Variants in SCYL2 observed in about 807,000 individuals in gnomAD.
SCYL2 encodes SCY1 like pseudokinase 2, also known as SCY1-like protein 2.
In SCYL2, 36 loss-of-function variants were observed where a neutral mutation model predicts 100.4. The observed-to-expected ratio is 0.36, with a 90% CI of 0.27 to 0.47. The LOEUF is 0.47. SCYL2 is among the 20% of genes least tolerant of loss of function. SCYL2 has a pLI of 1.00. For missense variants in SCYL2, 902 were observed against 1,083.9 expected (o/e 0.83, Z 2.36); for synonymous variants, 330 against 359.2 (o/e 0.92, Z 0.92).
At chr12:100,269,489 G>A (rs1310065188) in intron 1 of SCYL2, among the ~76,000 whole-genome samples, 1 of 150,392 alleles carries the variant, frequency 6.6e-6, no homozygotes, top group Non-Finnish European at 1.5e-5. Flanking sequence ...ATCTCCTGAT[G>A]TGTAAGTGCT....
intron 10 of SCYL2, 41 bp downstream of exon 10, chr12:100,317,966 T>C (rs771107730): frequency 6.6e-7 from 1 of 1,513,022 alleles, no homozygotes; most frequent in South Asian, 1.4e-5. Context: ...ATGATTTTGA[T>C]TCTTAAAGCA....
intron 1 of SCYL2, among the ~76,000 whole-genome samples, chr12:100,279,054 G>A (rs1436487300): frequency 6.6e-6 from 1 of 152,182 alleles, no homozygotes; most frequent in Non-Finnish European, 1.5e-5. Flanking sequence ...GTTTCTTTGT[G>A]TTTATCCTGT....
intron 7 of SCYL2, among the ~76,000 whole-genome samples, chr12:100,314,276 C>T (rs11110337): frequency 0.12 from 18,562 of 152,084 alleles, 1,522 homozygotes; most frequent in Non-Finnish European, 0.18. Flanking sequence ...AAGTTTTTAC[C>T]CAGCCAATTC....
chr12:100,297,918 A>G, intron 3 of SCYL2, 113 bp from the exon 4 acceptor site: 1 of 872,882 alleles, frequency 1.1e-6, no homozygotes. Context: ...AACAAATGTA[A>G]AATAGTTACC....
chr12:100,282,319 C>G (rs990681555), intron 1 of SCYL2, among the ~76,000 whole-genome samples: 3 of 85,608 alleles, frequency 3.5e-5, no homozygotes, highest in African/African-American at 1.4e-4. Flanking sequence ...CACTTTTAGT[C>G]TTTTTTTTTT....
chr12:100,308,140 A>G lies in SCYL2; in HGVS notation c.481-2904A>G, dbSNP rs141762309. Among the ~76,000 whole-genome samples, 1,276 of 152,316 alleles carry G rather than the reference A, an allele frequency of 8.4e-3. 5 individuals carry two copies. The highest frequency in any genetic ancestry group is 0.017 in the Middle Eastern group (5 of 294). ...TGACCCAGCAATCTCATTACTGGGTATATATCCAAAGGATTATAAATGATT... is the reference window on the plus strand; with the variant it reads ...TGACCCAGCAATCTCATTACTGGGTGTATATCCAAAGGATTATAAATGATT... On this transcript the variant is annotated intron_variant, in intron 4 of 17. Transcript: ENST00000360820.
intron 4 of SCYL2, among the ~76,000 whole-genome samples, chr12:100,304,266 G>A (rs753015340): frequency 3.9e-5 from 6 of 151,992 alleles, no homozygotes; most frequent in African/African-American, 9.7e-5. Context: ...GGGAGTGAAC[G>A]GTTCTGTCTC....
intron 13 of SCYL2, among the ~76,000 whole-genome samples, chr12:100,330,967 T>TA (rs1447855102): frequency 3.3e-5 from 5 of 151,914 alleles, no homozygotes; most frequent in African/African-American, 1.2e-4. Context: ...TACCTGGGAT[T>TA]ACAGGCATGA....
At chr12:100,314,386 A>G in intron 7 of SCYL2, 103 bp from the exon 8 acceptor site, 3 of 785,882 alleles carry the variant, frequency 3.8e-6, no homozygotes, top group South Asian at 3.7e-5. Flanking sequence ...GCATTTTGCT[A>G]AATGTTTCTG....
chr12:100,318,126 T>A (rs1392139516), intron 10 of SCYL2, among the ~76,000 whole-genome samples: 1 of 152,142 alleles, frequency 6.6e-6, no homozygotes, highest in African/African-American at 2.4e-5. Context: ...GTATTGTAAG[T>A]GAAAAAAGTA....
intron 7 of SCYL2, 21 bp downstream of exon 7, chr12:100,313,559 G>C (rs1027478611): frequency 1.5e-6 from 2 of 1,315,778 alleles, no homozygotes; most frequent in Non-Finnish European, 2.2e-6. Flanking sequence ...GTGGATTTCT[G>C]CCTAAGATGG....
At chr12:100,329,360 CT>C (rs1427284308) in intron 13 of SCYL2, 41 bp downstream of exon 13, 1 of 980,726 alleles carries the variant, frequency 1.0e-6, no homozygotes, top group Non-Finnish European at 1.6e-6. Flanking sequence ...ATTCAGCTTA[CT>C]TTTTTCTTGG....
At chr12:100,322,842 A>C (rs1437746161) in intron 10 of SCYL2, among the ~76,000 whole-genome samples, 1 of 148,514 alleles carries the variant, frequency 6.7e-6, no homozygotes, top group Non-Finnish European at 1.5e-5. Flanking sequence ...CCTGGGCAAC[A>C]AGAGCAAAAC....
chr12:100,293,518 TG>T lies in SCYL2; in HGVS notation c.335+1859del, dbSNP rs1276432760. Among the ~76,000 whole-genome samples, 7 of 151,400 alleles carry T rather than the reference TG, an allele frequency of 4.6e-5. No individual in the cohort carries two copies. The East Asian group carries it at 7.7e-4, about 17-fold the overall frequency. On this transcript the variant is annotated intron_variant, in intron 3 of 17. Coordinates refer to ENST00000360820, the MANE Select transcript of SCYL2 (RefSeq NM_017988.6). The stretch of plus-strand genomic sequence containing the variant: ...CTTGTTATTTTATGTTGTATTTACA[TG>T]TTTTTTTTTTATTTATTTTTTATTT...
At chr12:100,290,433 T>C (rs887612768) in intron 2 of SCYL2, among the ~76,000 whole-genome samples, 3 of 152,222 alleles carry the variant, frequency 2.0e-5, no homozygotes, top group Admixed American at 1.3e-4. Flanking sequence ...TAAGGAACCC[T>C]CATTTTACAA....
rs947609843 is a variant in SCYL2 at position 100,299,841 on chromosome 12, A to G, written c.480+1666A>G. 2.0e-5 allele frequency among the ~76,000 whole-genome samples: 3 copies of G among 152,276 alleles called. No homozygotes were observed. In the East Asian group the frequency reaches 5.8e-4, roughly 29 times the overall value. ...TGAACATTCATGTACAAGTTTTTGTATGAACATACACATTCGTTTCTCCTG... is the reference window on the plus strand; with the variant it reads ...TGAACATTCATGTACAAGTTTTTGTGTGAACATACACATTCGTTTCTCCTG... On this transcript the variant is annotated intron_variant, in intron 4 of 17. Coordinates refer to ENST00000360820, the MANE Select transcript of SCYL2 (RefSeq NM_017988.6).
chr12:100,313,365 T>C (rs1460168415), intron 6 of SCYL2, 57 bp from the exon 7 acceptor site: 4 of 731,412 alleles, frequency 5.5e-6, no homozygotes, highest in East Asian at 2.8e-5. Flanking sequence ...TTTTCTTAAA[T>C]GTATATGTCT....
At position 100,309,770 on chromosome 12, in the gene SCYL2, A is replaced by G. The variant is rs533465033; in HGVS notation, c.481-1274A>G. ...ACAAACATCTCTGTAAGACCCTGCT[A>G]TCAGTTCTTTGCAGTATCTACCCAG... On this transcript the variant is annotated intron_variant, in intron 4 of 17. Transcript: ENST00000360820. Among the ~76,000 whole-genome samples the G allele has an allele frequency of 3.9e-5, 6 of 152,316 alleles. No homozygotes were observed. In the South Asian group the frequency reaches 8.3e-4, roughly 21 times the overall value.
intron 12 of SCYL2, among the ~76,000 whole-genome samples, 161 bp from the exon 13 acceptor site, chr12:100,329,040 C>T (rs1280159023): frequency 6.6e-6 from 1 of 152,112 alleles, no homozygotes; most frequent in African/African-American, 2.4e-5. Flanking sequence ...AGGCTGAAAT[C>T]ATTCTGATTC....
Sources: allele counts gnomAD v4.1 joint callset (sites outside exome capture counted in the v4.1 genomes callset), GRCh38; gene constraint gnomAD v4.1.1; transcripts MANE v1.5; gene names NCBI Gene and HGNC (gene_info 2026-07-23, HGNC 2026-07-21).